KIAA1328: variants seen among roughly 807,000 people sequenced by gnomAD.
KIAA1328 encodes the protein KIAA1328.
A neutral mutation model predicts 68.1 loss-of-function variants in KIAA1328; 52 were observed. That is an observed-to-expected ratio of 0.76 (90% CI 0.61 to 0.96). The LOEUF is 0.96. Among genes scored for constraint, KIAA1328 ranks in the 40% least tolerant of loss-of-function variants. The pLI, the probability that KIAA1328 is intolerant of heterozygous loss-of-function variation, is 0.00. For missense variants in KIAA1328, 641 were observed against 677.6 expected (o/e 0.95, Z 0.60); for synonymous variants, 232 against 239.4 (o/e 0.97, Z 0.28).
intron 4 of KIAA1328, among the ~76,000 whole-genome samples, chr18:36,865,143 C>T (rs1462783926): frequency 2.0e-5 from 3 of 151,646 alleles, no homozygotes; most frequent in African/African-American, 7.3e-5. Flanking sequence ...ACTTAGAGAT[C>T]ATTCTTTTTC....
At chr18:37,047,045 A>G (rs1337019797) in intron 6 of KIAA1328, among the ~76,000 whole-genome samples, 3 of 152,044 alleles carry the variant, frequency 2.0e-5, no homozygotes, top group Non-Finnish European at 4.4e-5. Flanking sequence ...GGCAGGAGAA[A>G]CACTTGAACC....
chr18:37,043,512 C>G (rs1556864909), intron 6 of KIAA1328, among the ~76,000 whole-genome samples: 1 of 151,902 alleles, frequency 6.6e-6, no homozygotes, highest in Non-Finnish European at 1.5e-5. Context: ...CCTTTTTTTT[C>G]TCTTAAGCCT....
chr18:37,019,299 A>T (rs1296759465), intron 6 of KIAA1328, among the ~76,000 whole-genome samples: 1 of 152,112 alleles, frequency 6.6e-6, no homozygotes, highest in Non-Finnish European at 1.5e-5. Context: ...GAGCCCATAG[A>T]TGGCACTTAT....
At chr18:36,982,635 A>AC (rs1304770762) in intron 6 of KIAA1328, among the ~76,000 whole-genome samples, 4 of 152,080 alleles carry the variant, frequency 2.6e-5, no homozygotes, top group African/African-American at 9.7e-5. Flanking sequence ...TAGAAATGTT[A>AC]AAGGAAGTCT....
intron 7 of KIAA1328, among the ~76,000 whole-genome samples, chr18:37,067,908 A>G (rs2056402638): frequency 6.6e-6 from 1 of 152,148 alleles, no homozygotes; most frequent in Admixed American, 6.5e-5. Context: ...AGCACAGTGT[A>G]AAATTGTTGT....
At chr18:37,137,451 G>T (rs527676400) in intron 7 of KIAA1328, among the ~76,000 whole-genome samples, 12 of 152,220 alleles carry the variant, frequency 7.9e-5, no homozygotes, top group Non-Finnish European at 1.2e-4. Context: ...TGTATTTTCT[G>T]TTTCTTTACC....
intron 7 of KIAA1328, among the ~76,000 whole-genome samples, chr18:37,094,594 G>C (rs957910966): frequency 6.6e-6 from 1 of 151,998 alleles, no homozygotes; most frequent in African/African-American, 2.4e-5. Flanking sequence ...GGAACAAAAG[G>C]TGCCAAATGT....
chr18:37,118,272 G>A (rs540459874), intron 7 of KIAA1328, among the ~76,000 whole-genome samples: 2 of 152,218 alleles, frequency 1.3e-5, no homozygotes, highest in East Asian at 3.9e-4. Flanking sequence ...TAGGCTTACA[G>A]GTGTGAGCCA....
chr18:37,041,289 AG>A (rs1308637403), intron 6 of KIAA1328, among the ~76,000 whole-genome samples: 1 of 152,036 alleles, frequency 6.6e-6, no homozygotes, highest in Non-Finnish European at 1.5e-5. Flanking sequence ...CCATTTTATC[AG>A]TATGAAATGA....
chr18:37,163,557 T>G (rs1010676176), intron 8 of KIAA1328, among the ~76,000 whole-genome samples: 27 of 151,030 alleles, frequency 1.8e-4, no homozygotes, highest in African/African-American at 5.6e-4. Context: ...CAAACACATA[T>G]TTTTTTTTAC....
intron 5 of KIAA1328, chr18:36,946,458 C>T (rs2050904924): frequency 6.6e-6 from 1 of 152,150 alleles, no homozygotes. Flanking sequence ...TACTCAGAAG[C>T]TTGTTAGACC....
intron 6 of KIAA1328, among the ~76,000 whole-genome samples, chr18:37,017,311 A>G (rs2151512780): frequency 6.6e-6 from 1 of 152,170 alleles, no homozygotes; most frequent in South Asian, 2.1e-4. Context: ...TTTTCATTCC[A>G]CAGTGGTCTG....
chr18:36,949,842 TC>T (rs11295385), intron 5 of KIAA1328, among the ~76,000 whole-genome samples: 152,219 of 152,220 alleles, frequency 1, 76,109 homozygotes, highest in Middle Eastern at 1. Context: ...TTTATTACCC[TC>T]CCCCAATGGA....
chr18:37,189,156 G>T (rs182172926), intron 9 of KIAA1328, among the ~76,000 whole-genome samples: 148 of 152,254 alleles, frequency 9.7e-4, no homozygotes, highest in African/African-American at 3.5e-3. Flanking sequence ...CTGGTTACTA[G>T]GACTGTTTCA....
intron 4 of KIAA1328, among the ~76,000 whole-genome samples, chr18:36,872,634 T>C (rs2047985770): frequency 6.6e-6 from 1 of 152,102 alleles, no homozygotes. Flanking sequence ...TTACCAAGAA[T>C]AGAAATTATT....
intron 6 of KIAA1328, among the ~76,000 whole-genome samples, chr18:37,049,358 C>T (rs1341329783): frequency 1.3e-5 from 2 of 152,102 alleles, no homozygotes; most frequent in Non-Finnish European, 2.9e-5. Flanking sequence ...ATGAGTAGAA[C>T]TTTGAAGACC....
intron 6 of KIAA1328, among the ~76,000 whole-genome samples, chr18:37,023,490 G>A (rs549417725): frequency 3.3e-5 from 5 of 152,180 alleles, no homozygotes; most frequent in South Asian, 2.1e-4. Context: ...GGGAGAGACC[G>A]GTTAGAATCT....
At chr18:36,989,434 G>A (rs1417060446) in intron 6 of KIAA1328, among the ~76,000 whole-genome samples, 2 of 152,090 alleles carry the variant, frequency 1.3e-5, no homozygotes, top group Non-Finnish European at 2.9e-5. Context: ...TTTGTTCTTG[G>A]GTAGGACAGT....
intron 5 of KIAA1328, among the ~76,000 whole-genome samples, chr18:36,900,065 A>T (rs531289376): frequency 1.3e-5 from 2 of 151,946 alleles, no homozygotes; most frequent in Non-Finnish European, 2.9e-5. Flanking sequence ...TCTATCATCT[A>T]CACTGTTATG....
Sources: allele counts gnomAD v4.1 joint callset (sites outside exome capture counted in the v4.1 genomes callset), GRCh38; gene constraint gnomAD v4.1.1; transcripts MANE v1.5; gene names NCBI Gene and HGNC (gene_info 2026-07-23, HGNC 2026-07-21).